The following COPB2 variants were observed in gnomAD, a reference collection of about 807,000 sequenced individuals.
COPB2 encodes the protein coat protein complex I subunit beta 2.
In COPB2, 16 loss-of-function variants were observed where a neutral mutation model predicts 120.8. That is an observed-to-expected ratio of 0.13 (90% CI 0.09 to 0.20). COPB2 has a LOEUF of 0.20. Ranked by LOEUF, COPB2 falls within the 10% of genes least tolerant of loss-of-function variation. The probability of loss-of-function intolerance (pLI) is 1.00; values close to 1 mark genes in which losing one functional copy is unlikely to be tolerated. For missense variants in COPB2, 794 were observed against 1,076.5 expected, an observed-to-expected ratio of 0.74 and a Z score of 3.67; for synonymous variants, 332 against 366.3, an observed-to-expected ratio of 0.91 and a Z score of 1.07.
chr3:139,366,913 CTA>C, intron 14 of COPB2, 100 bp downstream of exon 14: 1 of 1,503,216 alleles, frequency 6.7e-7, no homozygotes, highest in Non-Finnish European at 9.0e-7. Context: ...CCTACTAAAA[CTA>C]TAACACTGAA....
At chr3:139,358,522 CA>C in intron 20 of COPB2, 2 of 598,456 alleles carry the variant, frequency 3.3e-6, no homozygotes, top group Non-Finnish European at 5.9e-6. Flanking sequence ...AATAAAAATA[CA>C]AAAAAATTAG....
At chr3:139,371,553 G>A (rs1445994503) in intron 10 of COPB2, among the ~76,000 whole-genome samples, 170 bp downstream of exon 10, 2 of 152,178 alleles carry the variant, frequency 1.3e-5, no homozygotes, top group African/African-American at 2.4e-5. Context: ...GCACTAAGAC[G>A]GCTCATGCTA....
chr3:139,366,888 G>A (rs1941528144), intron 14 of COPB2, 113 bp from the exon 15 acceptor site: 2 of 1,473,590 alleles, frequency 1.4e-6, no homozygotes, highest in African/African-American at 1.4e-5. Flanking sequence ...CACAATTCTG[G>A]TTAACAATAG....
Position 139,389,608 on chromosome 3 carries a change from G to A in COPB2, c.-58C>T. On this transcript the variant is annotated 5_prime_UTR_variant, in exon 1 of 22. Transcript: ENST00000333188. ...TTGTTACCGGCTACTCAGGCCTTGA[G>A]ATAAACCCACCGATCCACTGACCGT... 1 of 1,516,798 alleles carries A rather than the reference G, an allele frequency of 6.6e-7. No homozygotes were observed. The highest frequency in any genetic ancestry group is 1.4e-5 in the African/African-American group (1 of 72,356). The allele number at this position is 1,516,798 out of a possible 1,614,324, so 94.0% of individuals were successfully genotyped here.
Position 139,373,645 on chromosome 3 carries a change from T to C in COPB2, c.894+21A>G, listed in dbSNP as rs370210695. 56 of 1,613,634 alleles carry C rather than the reference T, an allele frequency of 3.5e-5. No individual in the cohort carries two copies. The African/African-American group carries it at 6.5e-4, about 19-fold the overall frequency. ...AATGGTTTTGCCTATGTCCACCTAC[T>C]GAGAGGGATAGTATAATTACCTTAA... On this transcript the variant is annotated intron_variant, in intron 8 of 21. Transcript: ENST00000333188.
At position 139,378,201 on chromosome 3, in the gene COPB2, G is replaced by GA. The variant is rs1197291822; in HGVS notation, c.356-13dup. ...AATAAGCATGTCATCTAGGCCAAAA[G>GA]AAAGTCTCAAGTTAGTTGTAATTCT... is the stretch of plus-strand genomic sequence containing the variant. On this transcript the variant is annotated splice_polypyrimidine_tract_variant and intron_variant, in intron 4 of 21. Transcript: ENST00000333188. 1 of 1,529,704 alleles carries GA rather than the reference G, an allele frequency of 6.5e-7. No homozygotes were observed. Among genetic ancestry groups the GA allele is most frequent in the Non-Finnish European group, 8.9e-7 (1 of 1,121,370 alleles). 94.8% of individuals were successfully genotyped at this position (1,529,704 alleles called of 1,614,324 possible).
chr3:139,375,126 C>T (rs1038923495), intron 6 of COPB2, among the ~76,000 whole-genome samples: 1 of 152,070 alleles, frequency 6.6e-6, no homozygotes, highest in Non-Finnish European at 1.5e-5. Context: ...TACAAGAGTA[C>T]GATTTGGCAA....
intron 17 of COPB2, 63 bp downstream of exon 17, chr3:139,361,018 C>T (rs1941409625): frequency 5.1e-6 from 8 of 1,558,450 alleles, no homozygotes; most frequent in Non-Finnish European, 6.2e-6. Context: ...GTTCATTCTT[C>T]ACTTCCCTCT....
At chr3:139,371,581 C>G in intron 10 of COPB2, 142 bp downstream of exon 10, 1 of 634,918 alleles carries the variant, frequency 1.6e-6, no homozygotes, top group South Asian at 2.1e-5. Context: ...GCCTCTGACT[C>G]TCATCTTCCA....
At chr3:139,358,947 A>T in intron 19 of COPB2, 51 bp downstream of exon 19, 1 of 1,595,088 alleles carries the variant, frequency 6.3e-7, no homozygotes, top group Non-Finnish European at 8.6e-7. Flanking sequence ...TCCTGAATGT[A>T]CTTCCACCCT....
At position 139,369,262 on chromosome 3, in the gene COPB2, T is replaced by C. The variant is rs199631542; in HGVS notation, c.1400A>G (p.His467Arg). Residue 467 changes from histidine to arginine, a missense_variant and splice_region_variant, in exon 12 of 22, where the codon CAT becomes CGT. This residue lies in a region of COPB2 where 610 missense variants were observed against 866.7 expected (regional missense o/e 0.70). Coordinates refer to ENST00000333188, the MANE Select transcript of COPB2 (RefSeq NM_004766.3). ...LIRRIEIQPK[H>R]IFWSDSGELV... is the part of the protein sequence containing the mutation. ...AACAACAATGGAGGGGAAACTCACA[T>C]GTTTGGGCTGAATTTCAATTCTTCG... The C allele has an allele frequency of 3.7e-6, 6 of 1,603,956 alleles. No homozygotes were observed. The highest frequency in any genetic ancestry group is 1.3e-5 in the African/African-American group (1 of 74,692).
At chr3:139,388,378 A>T (rs1347863171) in intron 1 of COPB2, 3 of 140,614 alleles carry the variant, frequency 2.1e-5, no homozygotes, top group Non-Finnish European at 3.1e-5. Context: ...AAAACAAATT[A>T]AAAAAAAAAA....
intron 13 of COPB2, among the ~76,000 whole-genome samples, 182 bp from the exon 14 acceptor site, chr3:139,367,327 C>T (rs1396929808): frequency 6.7e-6 from 1 of 149,688 alleles, no homozygotes; most frequent in East Asian, 2.0e-4. Flanking sequence ...GTCTCTGTTG[C>T]CCAGGCTGTA....
At chr3:139,369,741 T>C (rs1941587767) in intron 10 of COPB2, among the ~76,000 whole-genome samples, 197 bp from the exon 11 acceptor site, 1 of 152,238 alleles carries the variant, frequency 6.6e-6, no homozygotes, top group Non-Finnish European at 1.5e-5. Context: ...AAGGGTTTTA[T>C]ACTGTGTATG....
At chr3:139,364,654 C>T (rs1230371440) in intron 15 of COPB2, among the ~76,000 whole-genome samples, 1 of 152,156 alleles carries the variant, frequency 6.6e-6, no homozygotes, top group Non-Finnish European at 1.5e-5. Context: ...TTGTTAAGTG[C>T]TTGTTAAATT....
At chr3:139,377,918 TCAAAA>T in intron 5 of COPB2, 118 bp downstream of exon 5, 1 of 934,908 alleles carries the variant, frequency 1.1e-6, no homozygotes, top group Non-Finnish European at 1.5e-6. Context: ...TATTTTGACT[TCAAAA>T]CAGGCTTTTG....
chr3:139,358,536 G>C, intron 20 of COPB2: 1 of 601,170 alleles, frequency 1.7e-6, no homozygotes, highest in Admixed American at 3.0e-5. Flanking sequence ...AAAATTAGCC[G>C]GACCGGTGAT....
In COPB2 at chr3:139,373,762, T is replaced by C. The variant is rs751640263; in HGVS notation, c.798A>G (p.Thr266=). 3.1e-6 allele frequency: 5 copies of C among 1,614,136 alleles called. No homozygotes were observed. The highest frequency in any genetic ancestry group is 3.3e-4 in the Middle Eastern group (2 of 6,062). The stretch of plus-strand genomic sequence containing the variant: ...ATACCCTCTCCATTCCATAATTCAG[T>C]GTGCTCTCAAGCCGGTAGGTGCTTG... The part of the protein sequence containing the change: ...WHSSTYRLES[T]LNYGMERVWC... Residue 266 remains threonine, a synonymous_variant, in exon 8 of 22, where the codon ACA becomes ACG. Coordinates refer to ENST00000333188, the MANE Select transcript of COPB2 (RefSeq NM_004766.3).
chr3:139,363,383 T>A (rs576775306), intron 15 of COPB2, among the ~76,000 whole-genome samples: 1 of 152,150 alleles, frequency 6.6e-6, no homozygotes, highest in Non-Finnish European at 1.5e-5. Flanking sequence ...ACTGTACATG[T>A]GATGGATCTA....
Sources: allele counts gnomAD v4.1 joint callset (sites outside exome capture counted in the v4.1 genomes callset), GRCh38; gene constraint gnomAD v4.1.1; regional missense constraint gnomAD v4.1.1; transcripts MANE v1.5; gene names NCBI Gene and HGNC (gene_info 2026-07-23, HGNC 2026-07-21).